TSPAN9: variants seen among roughly 807,000 people sequenced by gnomAD.
TSPAN9 encodes tetraspanin-9.
A neutral mutation model predicts 31.0 loss-of-function variants in TSPAN9; 16 were observed. The ratio of observed to expected loss-of-function variants is 0.52; its 90% CI spans 0.35 to 0.78. TSPAN9 has a LOEUF of 0.78. Ranked by LOEUF, TSPAN9 falls within the 30% of genes least tolerant of loss-of-function variation. TSPAN9 has a pLI of 0.01. For missense variants in TSPAN9, 272 were observed against 312.5 expected (o/e 0.87, Z 0.98); for synonymous variants, 145 against 121.6 (o/e 1.19, Z -1.27).
chr12:3,231,408 A>G (rs1482171320), intron 3 of TSPAN9, among the ~76,000 whole-genome samples: 2 of 152,196 alleles, frequency 1.3e-5, no homozygotes, highest in Non-Finnish European at 2.9e-5. Flanking sequence ...ATGGGGAGTC[A>G]GCGAAGACAG....
chr12:3,205,727 C>CT (rs67110656), intron 3 of TSPAN9, among the ~76,000 whole-genome samples: 2 of 37,904 alleles, frequency 5.3e-5, no homozygotes, highest in African/African-American at 1.1e-4. Flanking sequence ...GGCCCCCCCC[C>CT]CCCAGAGTGC....
At chr12:3,274,027 C>T (rs756662541) in intron 3 of TSPAN9, among the ~76,000 whole-genome samples, 2 of 151,940 alleles carry the variant, frequency 1.3e-5, no homozygotes, top group Admixed American at 6.5e-5. Context: ...GGGTGCCTGG[C>T]GTGGGGGGAT....
At chr12:3,156,868 C>CT (rs1314922142) in intron 2 of TSPAN9, among the ~76,000 whole-genome samples, 1 of 152,100 alleles carries the variant, frequency 6.6e-6, no homozygotes, top group African/African-American at 2.4e-5. Context: ...GCTGGGAAGG[C>CT]TGTGGAGCAG....
At chr12:3,237,345 C>T (rs1355194926) in intron 3 of TSPAN9, among the ~76,000 whole-genome samples, 2 of 150,458 alleles carry the variant, frequency 1.3e-5, no homozygotes, top group East Asian at 1.9e-4. Context: ...CTGGTGCCCA[C>T]CTACGTGAAA....
intron 3 of TSPAN9, among the ~76,000 whole-genome samples, chr12:3,264,596 G>T (rs1862508960): frequency 6.6e-6 from 1 of 152,196 alleles, no homozygotes; most frequent in Non-Finnish European, 1.5e-5. Flanking sequence ...GCCTCTGTGT[G>T]CCGGCTGGGG....
intron 2 of TSPAN9, chr12:3,149,667 T>C (rs985650064): frequency 1.1e-4 from 16 of 150,538 alleles, no homozygotes; most frequent in Non-Finnish European, 1.6e-4. Context: ...TTATCTGATC[T>C]CAACACAGGA....
rs371222907 is a variant in TSPAN9, at chr12:3,245,224, C to T, written c.64-33197C>T. Among the ~76,000 whole-genome samples, 31 of 152,322 alleles carry T rather than the reference C, an allele frequency of 2.0e-4. No individual in the cohort carries two copies. In the East Asian group the frequency reaches 3.9e-3, roughly 19 times the overall value. Reference sequence around the variant, plus strand: ...GTGAGCAGGTGCCTGGACCAAAGCACGTTTCTTGCACCTGCCAGCCGGTGG... The same window carrying T: ...GTGAGCAGGTGCCTGGACCAAAGCATGTTTCTTGCACCTGCCAGCCGGTGG... On this transcript the variant is annotated intron_variant, in intron 3 of 8. Transcript: ENST00000011898.
chr12:3,264,904 T>C (rs999377573), intron 3 of TSPAN9, among the ~76,000 whole-genome samples: 1 of 152,198 alleles, frequency 6.6e-6, no homozygotes, highest in Non-Finnish European at 1.5e-5. Context: ...AACCTGGAAC[T>C]TTAACCGGGT....
At chr12:3,243,172 C>T (rs1340855722) in intron 3 of TSPAN9, among the ~76,000 whole-genome samples, 1 of 152,220 alleles carries the variant, frequency 6.6e-6, no homozygotes, top group Non-Finnish European at 1.5e-5. Context: ...TTCCCTTGAG[C>T]TTTTCTACCG....
intron 3 of TSPAN9, among the ~76,000 whole-genome samples, chr12:3,230,696 A>G (rs1388069326): frequency 6.6e-6 from 1 of 152,068 alleles, no homozygotes; most frequent in African/African-American, 2.4e-5. Flanking sequence ...CTGAGGGGTA[A>G]GAGTCCATGC....
intron 2 of TSPAN9, among the ~76,000 whole-genome samples, chr12:3,136,238 A>G (rs1046819891): frequency 7.2e-5 from 11 of 152,262 alleles, no homozygotes; most frequent in African/African-American, 2.6e-4. Context: ...CTCCTCTTTG[A>G]GGGGCAGCCC....
At chr12:3,194,996 T>TG (rs1462034513) in intron 2 of TSPAN9, among the ~76,000 whole-genome samples, 1 of 152,154 alleles carries the variant, frequency 6.6e-6, no homozygotes, top group Non-Finnish European at 1.5e-5. Context: ...GTTTAAAAAT[T>TG]GGGGGGAGGT....
intron 2 of TSPAN9, among the ~76,000 whole-genome samples, chr12:3,084,440 G>A (rs2098299410): frequency 6.6e-6 from 1 of 152,126 alleles, no homozygotes; most frequent in Admixed American, 6.5e-5. Flanking sequence ...GAACCCAATG[G>A]TGTAGTCGGT....
chr12:3,213,285 C>T (rs564882475), intron 3 of TSPAN9, among the ~76,000 whole-genome samples: 1 of 152,314 alleles, frequency 6.6e-6, no homozygotes, highest in East Asian at 1.9e-4. Context: ...CTTCTGTTCT[C>T]TGTACAGTGA....
chr12:3,104,213 T>C (rs966316305), intron 2 of TSPAN9, among the ~76,000 whole-genome samples: 2 of 152,078 alleles, frequency 1.3e-5, no homozygotes, highest in African/African-American at 4.8e-5. Context: ...TTAGCTCTTA[T>C]GGCAGAAGAG....
At chr12:3,100,274 A>C (rs2098311275) in intron 2 of TSPAN9, among the ~76,000 whole-genome samples, 1 of 152,166 alleles carries the variant, frequency 6.6e-6, no homozygotes, top group African/African-American at 2.4e-5. Flanking sequence ...ACTGGTGTGC[A>C]GATCAGCCAG....
intron 3 of TSPAN9, among the ~76,000 whole-genome samples, chr12:3,203,987 TTGA>T (rs2098373479): frequency 6.6e-6 from 1 of 152,066 alleles, no homozygotes; most frequent in African/African-American, 2.4e-5. Context: ...AGGTGGGGTG[TTGA>T]TGAGTCAGGG....
intron 2 of TSPAN9, among the ~76,000 whole-genome samples, chr12:3,166,431 G>A (rs1431568221): frequency 6.6e-6 from 1 of 152,152 alleles, no homozygotes; most frequent in East Asian, 1.9e-4. Context: ...GTTCCTTAGA[G>A]ATTATCTCAT....
intron 2 of TSPAN9, among the ~76,000 whole-genome samples, chr12:3,120,686 C>T (rs996921349): frequency 1.3e-5 from 2 of 152,254 alleles, no homozygotes; most frequent in African/African-American, 4.8e-5. Flanking sequence ...GGGCCTGGGC[C>T]AGGGACCACA....
Sources: gnomAD v4.1 joint callset for allele counts (sites outside exome capture counted in the v4.1 genomes callset) on GRCh38, gnomAD v4.1.1 for gene constraint, MANE v1.5 for transcripts, NCBI Gene and HGNC (gene_info 2026-07-23, HGNC 2026-07-21) for gene names.